The following CYRIB variants were observed in gnomAD, a reference collection of about 807,000 sequenced individuals.
CYRIB encodes the protein CYFIP-related Rac1 interactor B.
In CYRIB, 8 loss-of-function variants were observed where a neutral mutation model predicts 44.2. The observed-to-expected ratio is 0.18, with a 90% confidence interval of 0.11 to 0.33. CYRIB has a LOEUF of 0.33. Ranked by LOEUF, CYRIB falls within the 10% of genes least tolerant of loss-of-function variation. The pLI, the probability that CYRIB is intolerant of heterozygous loss-of-function variation, is 1.00. For missense variants in CYRIB, 185 were observed against 382.8 expected (o/e 0.48, Z 4.31); for synonymous variants, 131 against 127.2 (o/e 1.03, Z -0.20).
chr8:129,994,807 G>A (rs2096731097), intron 1 of CYRIB, among the ~76,000 whole-genome samples: 1 of 152,230 alleles, frequency 6.6e-6, no homozygotes, highest in African/African-American at 2.4e-5. Context: ...TCAGACAAAG[G>A]ACCACGGATA....
chr8:129,889,137 A>G (rs1183116511), intron 2 of CYRIB, among the ~76,000 whole-genome samples: 3 of 152,082 alleles, frequency 2.0e-5, no homozygotes, highest in Non-Finnish European at 4.4e-5. Context: ...ATTATACTAC[A>G]TCCACTCTGC....
intron 1 of CYRIB, among the ~76,000 whole-genome samples, chr8:129,975,862 A>C (rs1323245312): frequency 6.6e-6 from 1 of 152,188 alleles, no homozygotes; most frequent in African/African-American, 2.4e-5. Context: ...CTGCATAATT[A>C]AACAGACTCT....
In CYRIB at chr8:129,899,208, G is replaced by A. The variant is rs192732045; in HGVS notation, c.-11+4104C>T. ...TTAAAATACAATTTTACTTCAGAAA[G>A]AAGTAAAATTTTACAGCAGAAAGAG... On this transcript the variant is annotated intron_variant, in intron 2 of 11. Transcript: ENST00000519824. Among the ~76,000 whole-genome samples the A allele has an allele frequency of 4.6e-4, 70 of 152,168 alleles. No homozygotes were observed. The South Asian group carries it at 0.01, about 22-fold the overall frequency.
chr8:129,860,578 C>G (rs1247448363), intron 5 of CYRIB, among the ~76,000 whole-genome samples: 1 of 152,102 alleles, frequency 6.6e-6, no homozygotes, highest in Admixed American at 6.5e-5. Flanking sequence ...TCTGTCTTAA[C>G]ATTACATTTA....
chr8:129,875,343 G>T (rs2058746255), intron 3 of CYRIB, among the ~76,000 whole-genome samples: 1 of 151,290 alleles, frequency 6.6e-6, no homozygotes, highest in Non-Finnish European at 1.5e-5. Context: ...ACAGCTCACT[G>T]CAAGGGCACA....
intron 1 of CYRIB, among the ~76,000 whole-genome samples, chr8:129,998,670 C>A (rs759303650): frequency 6.6e-6 from 1 of 150,590 alleles, no homozygotes; most frequent in Non-Finnish European, 1.5e-5. Context: ...CTTGCTCTGT[C>A]GTCCAGGGTG....
At chr8:129,941,334 C>T (rs940625860), upstream of CYRIB, among the ~76,000 whole-genome samples, 4 of 138,140 alleles carry the variant, frequency 2.9e-5, no homozygotes, top group Admixed American at 8.3e-5. Context: ...AGTACAGTGG[C>T]GCGATATCGG....
At chr8:129,864,316 A>T (rs2052069242) in intron 4 of CYRIB, among the ~76,000 whole-genome samples, 1 of 152,280 alleles carries the variant, frequency 6.6e-6, no homozygotes, top group African/African-American at 2.4e-5. Flanking sequence ...CATCTCAAAG[A>T]GACCTTGATA....
intron 2 of CYRIB, among the ~76,000 whole-genome samples, chr8:129,888,220 C>G (rs1308829822): frequency 6.6e-6 from 1 of 152,106 alleles, no homozygotes; most frequent in Non-Finnish European, 1.5e-5. Context: ...TGGGGCACTT[C>G]CCCATCTCTC....
chr8:129,993,726 G>A (rs767724706), intron 1 of CYRIB, among the ~76,000 whole-genome samples: 1 of 151,948 alleles, frequency 6.6e-6, no homozygotes, highest in African/African-American at 2.4e-5. Context: ...GCCGGACGTG[G>A]TGGTTCACAC....
chr8:129,971,719 T>C (rs1473728346), intron 1 of CYRIB, among the ~76,000 whole-genome samples: 2 of 152,194 alleles, frequency 1.3e-5, no homozygotes, highest in Non-Finnish European at 2.9e-5. Context: ...AACTTGAGTT[T>C]AAAACGGTCT....
In CYRIB at chr8:129,937,711, T is replaced by C. The variant is rs190152733; in HGVS notation, c.-50+1897A>G. 4.7e-4 allele frequency among the ~76,000 whole-genome samples: 71 copies of C among 152,346 alleles called. No homozygotes were observed. The South Asian group carries it at 0.01, about 22-fold the overall frequency. On this transcript the variant is annotated intron_variant, in intron 1 of 11. Coordinates refer to ENST00000519824, the Ensembl canonical transcript of CYRIB. The stretch of plus-strand genomic sequence containing the variant: ...TCCCTCTGATCAACCAACCACTTTC[T>C]TGGGAGACAAAAATCTAGCCTCTAC...
At chr8:129,936,657 C>T (rs1171219257) in intron 1 of CYRIB, among the ~76,000 whole-genome samples, 1 of 151,792 alleles carries the variant, frequency 6.6e-6, no homozygotes, top group Non-Finnish European at 1.5e-5. Context: ...GTCTATACTT[C>T]CTCACCCAAA....
At chr8:129,868,081 T>C (rs991621339) in intron 4 of CYRIB, among the ~76,000 whole-genome samples, 7 of 152,214 alleles carry the variant, frequency 4.6e-5, no homozygotes, top group Admixed American at 6.5e-5. Flanking sequence ...TAAGTCTTAT[T>C]AATTAACACT....
At chr8:130,010,658 G>C (rs1039929220) in intron 1 of CYRIB, among the ~76,000 whole-genome samples, 18 of 152,128 alleles carry the variant, frequency 1.2e-4, no homozygotes, top group African/African-American at 3.9e-4. Context: ...ACTGTCACCT[G>C]TCCTGAGGTC....
intron 4 of CYRIB, among the ~76,000 whole-genome samples, chr8:129,863,384 G>A (rs1445099675): frequency 6.6e-6 from 1 of 152,098 alleles, no homozygotes; most frequent in Non-Finnish European, 1.5e-5. Flanking sequence ...AATTAGTCAG[G>A]TGTGGTGGTG....
At chr8:129,917,863 G>GA (rs1209297607) in intron 1 of CYRIB, among the ~76,000 whole-genome samples, 2 of 151,800 alleles carry the variant, frequency 1.3e-5, no homozygotes, top group Non-Finnish European at 2.9e-5. Flanking sequence ...TCTCAAAAAA[G>GA]AAAAAAAGTC....
At chr8:129,934,712 G>A (rs1048816878) in intron 1 of CYRIB, among the ~76,000 whole-genome samples, 4 of 152,136 alleles carry the variant, frequency 2.6e-5, no homozygotes, top group Admixed American at 2.6e-4. Context: ...TGGGTCTGAA[G>A]AAACTCCCTA....
exon 9 of CYRIB, chr8:129,850,886 G>A: frequency 6.2e-7 from 1 of 1,611,872 alleles, no homozygotes; most frequent in Non-Finnish European, 8.5e-7. Context: ...TAAACAATCT[G>A]TGGTATTTTC....
Sources: allele counts gnomAD v4.1 joint callset (sites outside exome capture counted in the v4.1 genomes callset), GRCh38; gene constraint gnomAD v4.1.1; transcripts MANE v1.5; gene names NCBI Gene and HGNC (gene_info 2026-07-23, HGNC 2026-07-21).